Variants in DENND2B observed in about 807,000 individuals in gnomAD.
DENND2B encodes DENN domain-containing protein 2B.
In DENND2B, 32 loss-of-function variants were observed where a neutral mutation model predicts 116.0. The ratio of observed to expected loss-of-function variants is 0.28; its 90% CI spans 0.21 to 0.37. The LOEUF is 0.37. DENND2B is among the 10% of genes least tolerant of loss of function. The probability of loss-of-function intolerance (pLI) is 1.00; values close to 1 mark genes in which losing one functional copy is unlikely to be tolerated. For missense variants in DENND2B, 1,276 were observed against 1,477.7 expected (o/e 0.86, Z 2.24); for synonymous variants, 588 against 583.9 (o/e 1.01, Z -0.10).
intron 1 of DENND2B, among the ~76,000 whole-genome samples, chr11:8,789,126 G>A (rs2059159442): frequency 6.6e-6 from 1 of 152,194 alleles, no homozygotes; most frequent in South Asian, 2.1e-4. Flanking sequence ...AGCATTTATG[G>A]AGGAAATGGT....
chr11:8,701,361 G>C (rs982892488), intron 14 of DENND2B, among the ~76,000 whole-genome samples: 2 of 10,018 alleles, frequency 2.0e-4, no homozygotes, highest in Non-Finnish European at 4.5e-4. Flanking sequence ...GGGGGGGGGA[G>C]GGGCTACATG....
chr11:8,766,561 G>A (rs935702203), intron 1 of DENND2B: 2 of 1,215,326 alleles, frequency 1.6e-6, no homozygotes, highest in Admixed American at 2.3e-5. Flanking sequence ...GGGAACCAAG[G>A]AGAGGGCTTC....
intron 1 of DENND2B, among the ~76,000 whole-genome samples, chr11:8,888,091 G>C (rs770019066): frequency 6.6e-6 from 1 of 152,214 alleles, no homozygotes; most frequent in Non-Finnish European, 1.5e-5. Flanking sequence ...GCATCTGTCT[G>C]ATGTAATTAT....
In DENND2B at chr11:8,864,545, C is replaced by T. The variant is rs547341260; in HGVS notation, c.-250+6409G>A. ...TTGGCCTCCCAAAGTGCTGGGATTACAGGTGTTAGCCACCAGGCCTGGCCT... is the reference window on the plus strand; with the variant it reads ...TTGGCCTCCCAAAGTGCTGGGATTATAGGTGTTAGCCACCAGGCCTGGCCT... On this transcript the variant is annotated intron_variant, in intron 2 of 6. Coordinates refer to the DENND2B transcript ENST00000524757. Among the ~76,000 whole-genome samples the T allele has an allele frequency of 2.2e-4, 34 of 152,346 alleles. No individual in the cohort carries two copies. In the South Asian group the frequency reaches 3.9e-3, roughly 18 times the overall value.
chr11:8,820,825 G>T (rs2061732191), intron 4 of DENND2B, among the ~76,000 whole-genome samples: 3 of 152,156 alleles, frequency 2.0e-5, no homozygotes, highest in Admixed American at 1.3e-4. Flanking sequence ...TGCAGCCATT[G>T]TAAGAGATGA....
intron 13 of DENND2B, among the ~76,000 whole-genome samples, chr11:8,706,542 A>C (rs1417924033): frequency 6.6e-6 from 1 of 151,776 alleles, no homozygotes; most frequent in Admixed American, 6.6e-5. Flanking sequence ...CCCACTCACC[A>C]CTTAGGTCTC....
upstream of DENND2B, among the ~76,000 whole-genome samples, chr11:8,872,080 T>G (rs2063789881): frequency 6.6e-6 from 1 of 152,214 alleles, no homozygotes; most frequent in Non-Finnish European, 1.5e-5. Context: ...TGTATGAACA[T>G]AAGCAGGCTC....
chr11:8,772,128 T>TACACACAC (rs143227157), intron 1 of DENND2B, among the ~76,000 whole-genome samples: 121 of 147,254 alleles, frequency 8.2e-4, no homozygotes, highest in Middle Eastern at 3.5e-3. Context: ...ATGGAAGCTC[T>TACACACAC]ACACACACAC....
intron 3 of DENND2B, among the ~76,000 whole-genome samples, chr11:8,848,372 T>TA (rs1181376137): frequency 9.2e-5 from 14 of 152,160 alleles, no homozygotes; most frequent in Non-Finnish European, 1.8e-4. Context: ...AATTTCCCAT[T>TA]AAAAATAATA....
At position 8,859,197 on chromosome 11, in the gene DENND2B, A is replaced by C. The variant is rs1268839919; in HGVS notation, c.-249-1761T>G. 2.6e-5 allele frequency among the ~76,000 whole-genome samples: 4 copies of C among 152,166 alleles called. No homozygotes were observed. The South Asian group carries it at 8.3e-4, about 31-fold the overall frequency. On this transcript the variant is annotated intron_variant, in intron 2 of 6. Coordinates refer to the DENND2B transcript ENST00000524757. ...TGCTTTATATCATTCTTTAGGTAAC[A>C]ATTATATGTTCTAAGTTCAGGTTAT...
intron 14 of DENND2B, among the ~76,000 whole-genome samples, chr11:8,700,202 CAG>C (rs1321424720): frequency 2.0e-5 from 3 of 152,296 alleles, no homozygotes; most frequent in African/African-American, 7.2e-5. Flanking sequence ...GCTGGGCAGT[CAG>C]GGGCTTTGTT....
chr11:8,738,110 C>A lies in DENND2B; in HGVS notation c.81-6901G>T, dbSNP rs1290768748. Among the ~76,000 whole-genome samples the A allele has an allele frequency of 2.6e-5, 4 of 152,146 alleles. No individual in the cohort carries two copies. In the East Asian group the frequency reaches 7.7e-4, roughly 29 times the overall value. On this transcript the variant is annotated intron_variant, in intron 2 of 19. Coordinates refer to ENST00000313726, the MANE Select transcript of DENND2B (RefSeq NM_213618.2). ...AGGTTGTCAGTGCAGATACAGAGGG[C>A]ACAAATGCAGGAATAACACGCTTGA...
In DENND2B at chr11:8,697,654, C is replaced by T. The variant is rs759368617; in HGVS notation, c.2941-18G>A. On this transcript the variant is annotated intron_variant, in intron 16 of 19. Transcript: ENST00000313726. ...TCGTCCATCTGCAGGAGAAAGAAAG[C>T]ACAGTGACAATCATAGCTGACACTG... The T allele has an allele frequency of 7.7e-6, 12 of 1,565,206 alleles. No homozygotes were observed. In the Admixed American group the frequency reaches 2.0e-4, roughly 26 times the overall value.
At chr11:8,717,994 G>T in intron 4 of DENND2B, 102 bp from the exon 5 acceptor site, 1 of 1,390,380 alleles carries the variant, frequency 7.2e-7, no homozygotes, top group Non-Finnish European at 9.8e-7. Context: ...GAACCAAAGA[G>T]AATGGCTTCT....
At chr11:8,762,941 C>T (rs2054954496) in intron 1 of DENND2B, among the ~76,000 whole-genome samples, 1 of 152,092 alleles carries the variant, frequency 6.6e-6, no homozygotes, top group African/African-American at 2.4e-5. Context: ...TTAACAAATG[C>T]CATACAGACA....
chr11:8,743,181 TATTGTACTTTA>T (rs1462417393), intron 2 of DENND2B, among the ~76,000 whole-genome samples: 1 of 152,144 alleles, frequency 6.6e-6, no homozygotes, highest in African/African-American at 2.4e-5. Flanking sequence ...TTATATAATT[TATTGTACTTTA>T]ATTGTCCCTC....
At chr11:8,866,194 T>C (rs1473522011) in intron 2 of DENND2B, among the ~76,000 whole-genome samples, 5 of 152,186 alleles carry the variant, frequency 3.3e-5, no homozygotes, top group South Asian at 4.2e-4. Context: ...CTCCTGACCT[T>C]GTGATCCGCC....
At chr11:8,740,066 C>T (rs960222824) in intron 2 of DENND2B, among the ~76,000 whole-genome samples, 2 of 151,576 alleles carry the variant, frequency 1.3e-5, no homozygotes, top group Non-Finnish European at 2.9e-5. Context: ...GGCATGCCCC[C>T]GTGGTCCCAG....
chr11:8,698,137 CAAAAAAAAAAAAAAAAAAAA>C (rs33975736), intron 16 of DENND2B, among the ~76,000 whole-genome samples: 1 of 39,808 alleles, frequency 2.5e-5, no homozygotes, highest in African/African-American at 7.4e-5. Context: ...ACCCTGTCTC[CAAAAAAAAAAAAAAAAAAAA>C]AAAAAAAAAG....
Sources: gnomAD v4.1 joint callset for allele counts (sites outside exome capture counted in the v4.1 genomes callset) on GRCh38, gnomAD v4.1.1 for gene constraint, MANE v1.5 for transcripts, NCBI Gene and HGNC (gene_info 2026-07-23, HGNC 2026-07-21) for gene names.